Variants in MFSD12 observed in about 807,000 individuals in gnomAD.
MFSD12 encodes major facilitator superfamily domain-containing protein 12.
A neutral mutation model predicts 51.2 loss-of-function variants in MFSD12; 67 were observed. The ratio of observed to expected loss-of-function variants is 1.31; its 90% confidence interval spans 1.08 to 1.60. The LOEUF is 1.60. Ranked by LOEUF, MFSD12 falls within the 40% of genes most tolerant of loss-of-function variation. The probability of loss-of-function intolerance (pLI) is 0.00; values close to 1 mark genes in which losing one functional copy is unlikely to be tolerated. For synonymous variants in MFSD12, 441 were observed against 316.7 expected, an observed-to-expected ratio of 1.39 and a Z score of -4.17; for missense variants, 921 against 673.0, an observed-to-expected ratio of 1.37 and a Z score of -4.08.
chr19:3,538,835 G>A, intron 4 of MFSD12: 1 of 562,402 alleles, frequency 1.8e-6, no homozygotes, highest in Non-Finnish European at 3.5e-6. Context: ...TGCGACCCCG[G>A]CCAGGCACTG....
Position 3,546,333 on chromosome 19 carries a change from A to C in MFSD12, c.1116T>G (p.Ala372=), listed in dbSNP as rs199658641. ...EGLGVAVYAA[A]VLLGAGCATI... ...TGGCACAGCCAGCACCCAGCAGCAC[A>C]GCCGCTGCGTACACGGCCACACCCA... is the stretch of plus-strand genomic sequence containing the variant. Residue 372 remains alanine (A), a synonymous_variant, in exon 7 of 10, where the codon GCT becomes GCG. Coordinates refer to ENST00000355415, the MANE Select transcript of MFSD12 (RefSeq NM_174983.5). The C allele has an allele frequency of 7.3e-4, 1,170 of 1,608,360 alleles. 9 individuals are homozygous for C. The African/African-American group carries it at 0.014, about 19-fold the overall frequency.
chr19:3,553,364 T>C (rs2031570279), intron 1 of MFSD12, among the ~76,000 whole-genome samples: 1 of 151,414 alleles, frequency 6.6e-6, no homozygotes, highest in Non-Finnish European at 1.5e-5. Flanking sequence ...TCCCAGCACT[T>C]TGGGAGGCTG....
chr19:3,545,671 G>C (rs559273819), intron 8 of MFSD12, among the ~76,000 whole-genome samples: 27 of 152,326 alleles, frequency 1.8e-4, no homozygotes, highest in African/African-American at 6.3e-4. Context: ...CTATTAACAC[G>C]GCTGGCTCTG....
In MFSD12 at chr19:3,544,254, C is replaced by G; in HGVS notation, c.*456G>C. 2 of 1,316,528 alleles carry G rather than the reference C, an allele frequency of 1.5e-6. No individual in the cohort carries two copies. Among genetic ancestry groups the G allele is most frequent in the Non-Finnish European group, 1.9e-6 (2 of 1,035,078 alleles). 81.6% of individuals were successfully genotyped at this position (1,316,528 alleles called of 1,614,324 possible). ...AGTCCACCAAGCCTGCCGGGCAGCC[C>G]TGCTGCCCACCACGGTGGGGTCCAG... On this transcript the variant is annotated 3_prime_UTR_variant, in exon 10 of 10. Coordinates refer to ENST00000355415, the MANE Select transcript of MFSD12 (RefSeq NM_174983.5).
intron 1 of MFSD12, among the ~76,000 whole-genome samples, chr19:3,555,914 C>T (rs1309940158): frequency 1.3e-5 from 2 of 152,172 alleles, no homozygotes; most frequent in Non-Finnish European, 2.9e-5. Flanking sequence ...AGAGGAGGGC[C>T]GCTGGGAGGC....
intron 2 of MFSD12, among the ~76,000 whole-genome samples, chr19:3,550,031 G>C (rs114070528): frequency 0.025 from 3,776 of 151,544 alleles, 76 homozygotes; most frequent in African/African-American, 0.067. Flanking sequence ...GATTCTCCCT[G>C]CTGGCCTCAG....
At chr19:3,552,199 G>A (rs1031047861) in intron 1 of MFSD12, among the ~76,000 whole-genome samples, 3 of 149,906 alleles carry the variant, frequency 2.0e-5, no homozygotes, top group Non-Finnish European at 4.4e-5. Context: ...ACAGAGTCTT[G>A]CTCTGTCGCC....
At chr19:3,543,592 C>T (rs370938804), downstream of MFSD12, 21 of 1,543,736 alleles carry the variant, frequency 1.4e-5, no homozygotes, top group African/African-American at 5.5e-5. Context: ...CCTGGCATGA[C>T]CCCATCGTCC....
In MFSD12 at chr19:3,544,647, C is replaced by A; in HGVS notation, c.*63G>T. ...GGCAGTGGGGGCTTTTCCCCAAGGC[C>A]CTGGGGGGCATCCTCGTGCGTCCCC... is the stretch of plus-strand genomic sequence containing the variant. On this transcript the variant is annotated 3_prime_UTR_variant, in exon 10 of 10. Transcript: ENST00000355415. 1 of 1,545,442 alleles carries A rather than the reference C, an allele frequency of 6.5e-7. No individual in the cohort carries two copies. The highest frequency in any genetic ancestry group is 8.8e-7 in the Non-Finnish European group (1 of 1,141,596).
At chr19:3,552,467 CTTTTTTTTTT>C (rs397859575) in intron 1 of MFSD12, among the ~76,000 whole-genome samples, 9,929 of 66,296 alleles carry the variant, frequency 0.15, 521 homozygotes, top group South Asian at 0.37. Flanking sequence ...CGCGCCCCGC[CTTTTTTTTTT>C]TTTTTTTTTT....
At position 3,548,147 on chromosome 19, in the gene MFSD12, C is replaced by T; in HGVS notation, c.630G>A (p.Gly210=). ...CCCGGAACACGGGCACGTCCTGGCC[C>T]CCCAGCTGGTCGCTGATGCTGATGT... ...TQDISISDQL[G]GQDVPVFRNL... Residue 210 remains glycine (G), a synonymous_variant, in exon 3 of 10, where the codon GGG becomes GGA. Transcript: ENST00000355415. 1 of 1,606,550 alleles carries T rather than the reference C, an allele frequency of 6.2e-7. No homozygotes were observed. Among genetic ancestry groups the T allele is most frequent in the Non-Finnish European group, 8.5e-7 (1 of 1,178,278 alleles).
At position 3,551,542 on chromosome 19, in the gene MFSD12, G is replaced by T. The variant is rs555571623; in HGVS notation, c.299-348C>A. Among the ~76,000 whole-genome samples the T allele has an allele frequency of 6.6e-6, 1 of 152,052 alleles. No individual in the cohort carries two copies. The highest frequency in any genetic ancestry group is 1.5e-5 in the Non-Finnish European group (1 of 67,972). ...ACTATCAAGCCTCCCATAGGGCCTC[G>T]GGGAGCGGGAGGCCCAGGTGGGCCT... On this transcript the variant is annotated intron_variant, in intron 1 of 9. Transcript: ENST00000355415. The surrounding 1 kb of genome is among the most constrained non-coding windows in gnomAD (Gnocchi z 4.6).
Position 3,547,888 on chromosome 19 carries a change from AGCAGGGGCTGGGCCGTG to A in MFSD12, c.780_796del (p.Thr261AlafsTer147). On this transcript the variant is annotated frameshift_variant, in exon 4 of 10. Coordinates refer to ENST00000355415, the MANE Select transcript of MFSD12 (RefSeq NM_174983.5). LOFTEE classifies it high-confidence loss of function. ...CTCCCGGAGCCAGTGCTTCCAGAGCAGCAGGGGCTGGGCCGTGGCAGGGGCCAACAGGGGGGTGTGCT... is the reference window on the plus strand; with the variant it reads ...CTCCCGGAGCCAGTGCTTCCAGAGCAGCAGGGGCCAACAGGGGGGTGTGCT... 5 of 1,553,040 alleles carry A rather than the reference AGCAGGGGCTGGGCCGTG, an allele frequency of 3.2e-6. No homozygotes were observed. Among genetic ancestry groups the A allele is most frequent in the South Asian group, 2.4e-5 (2 of 83,282 alleles).
chr19:3,544,523 T>A lies in MFSD12; in HGVS notation c.*187A>T. 2 of 1,399,728 alleles carry A rather than the reference T, an allele frequency of 1.4e-6. No individual in the cohort carries two copies. The highest frequency in any genetic ancestry group is 1.9e-6 in the Non-Finnish European group (2 of 1,079,164). The allele number at this position is 1,399,728 out of a possible 1,614,324, so 86.7% of individuals were successfully genotyped here. A position where few individuals can be genotyped will look rare whatever the true frequency, so the allele number is the denominator to read the frequency against. ...TGGGACACCCTCAAAACCCAGGGGG[T>A]CCTTGCAAGTCCCTGGCGGGCATCC... On this transcript the variant is annotated 3_prime_UTR_variant, in exon 10 of 10. Transcript: ENST00000355415.
downstream of MFSD12, chr19:3,543,265 C>A: frequency 1.9e-6 from 3 of 1,547,070 alleles, no homozygotes; most frequent in South Asian, 1.2e-5. Context: ...AGGGTTCCCG[C>A]TGGCCACCAG....
chr19:3,547,929 C>A lies in MFSD12; in HGVS notation c.756G>T (p.Glu252Asp). The A allele has an allele frequency of 1.3e-6, 2 of 1,588,926 alleles. No individual in the cohort carries two copies. Among genetic ancestry groups the A allele is most frequent in the Non-Finnish European group, 1.7e-6 (2 of 1,174,408 alleles). Residue 252 changes from glutamate to aspartate, a missense_variant, in exon 4 of 10, where the codon GAG (glutamate) becomes GAT (aspartate). Physicochemically the swap from Glu to Asp is conservative, Grantham distance 45. Transcript: ENST00000355415. ...RRRPHAEEPG[E>D]HTPLLAPATA... ...TGGCAGGGGCCAACAGGGGGGTGTGCTCGCCTGGCTCCTCCGCATGCGGCC... is the reference window on the plus strand; with the variant it reads ...TGGCAGGGGCCAACAGGGGGGTGTGATCGCCTGGCTCCTCCGCATGCGGCC...
At chr19:3,539,249 A>G, downstream of MFSD12, 1 of 1,548,980 alleles carries the variant, frequency 6.5e-7, no homozygotes. Context: ...GCTTCCCAGC[A>G]CCGCTGTACA....
At chr19:3,540,478 G>T (rs1220915678), downstream of MFSD12, among the ~76,000 whole-genome samples, 1 of 151,276 alleles carries the variant, frequency 6.6e-6, no homozygotes, top group Non-Finnish European at 1.5e-5. Context: ...GGATGGTCTC[G>T]ATCTCCTGAC....
At chr19:3,539,381 CAT>C (rs749697060), downstream of MFSD12, 15 of 653,530 alleles carry the variant, frequency 2.3e-5, no homozygotes, top group South Asian at 1.1e-4. Context: ...CTAAAAGGCT[CAT>C]GTGTGTGACG....
Sources: gnomAD v4.1 joint callset for allele counts (sites outside exome capture counted in the v4.1 genomes callset) on GRCh38, gnomAD v4.1.1 for gene constraint, Gnocchi (gnomAD v3.1) non-coding constraint, MANE v1.5 for transcripts, NCBI Gene and HGNC (gene_info 2026-07-23, HGNC 2026-07-21) for gene names.